The following NOX5 variants were observed in gnomAD, a reference collection of about 807,000 sequenced individuals.
NOX5 encodes NADPH oxidase, EF-hand calcium binding domain 5.
A neutral mutation model predicts 85.7 loss-of-function variants in NOX5; 76 were observed. The ratio of observed to expected loss-of-function variants is 0.89; its 90% confidence interval spans 0.74 to 1.07. NOX5 has a LOEUF of 1.07. NOX5 is among the 50% of genes least tolerant of loss of function. The pLI, the probability that NOX5 is intolerant of heterozygous loss-of-function variation, is 0.00. For synonymous variants in NOX5, 405 were observed against 401.4 expected, an observed-to-expected ratio of 1.01 and a Z score of -0.11; for missense variants, 973 against 999.5, an observed-to-expected ratio of 0.97 and a Z score of 0.36.
chr15:69,043,666 A>G (rs561506684), intron 10 of NOX5: 9 of 152,386 alleles, frequency 5.9e-5, no homozygotes, highest in African/African-American at 2.2e-4. Context: ...GCTGTTAATC[A>G]GGGAAACTTC....
intron 1 of NOX5, among the ~76,000 whole-genome samples, chr15:69,020,648 A>G (rs2050285312): frequency 6.6e-6 from 1 of 151,574 alleles, no homozygotes; most frequent in African/African-American, 2.4e-5. Flanking sequence ...ATAGATATCA[A>G]TTTTTATATG....
In NOX5 at chr15:69,020,919, A is replaced by C. The variant is rs183454310; in HGVS notation, c.51-5609A>C. ...AGGTGCTTCCTTAGCATTTATTGAC[A>C]TAATAAAAACTATTTTTCTTCTTTA... On this transcript the variant is annotated intron_variant, in intron 1 of 15. Coordinates refer to ENST00000388866, the MANE Select transcript of NOX5 (RefSeq NM_024505.4). 5.5e-3 allele frequency among the ~76,000 whole-genome samples: 845 copies of C among 152,254 alleles called. 2 individuals carry two copies. The highest frequency in any genetic ancestry group is 7.6e-3 in the Non-Finnish European group (520 of 67,982).
At chr15:69,027,351 C>A (rs1289815871) in intron 2 of NOX5, among the ~76,000 whole-genome samples, 2 of 152,168 alleles carry the variant, frequency 1.3e-5, no homozygotes, top group African/African-American at 4.8e-5. Context: ...TGTAAAACAT[C>A]TTAAGACAAA....
chr15:69,056,685 G>A lies in NOX5; in HGVS notation c.2287G>A (p.Glu763Lys), dbSNP rs765970562. 5.6e-6 allele frequency: 9 copies of A among 1,613,750 alleles called. No homozygotes were observed. The highest frequency in any genetic ancestry group is 1.7e-5 in the Admixed American group (1 of 60,012). ...CEKFGFRFFQ[E>K]NF ...GAAGTTCGGCTTCAGATTTTTCCAA[G>A]AGAATTTCTAGCCTCACCTCTCCAA... Residue 763 changes from glutamate to lysine, a missense_variant, in exon 16 of 16, where the codon GAG becomes AAG. Transcript: ENST00000388866.
chr15:69,046,911 A>C (rs1208162516), intron 11 of NOX5, 45 bp downstream of exon 11: 1 of 1,597,484 alleles, frequency 6.3e-7, no homozygotes, highest in Non-Finnish European at 8.6e-7. Context: ...GCCTGCCCCA[A>C]CCAAAGGAAA....
chr15:69,033,532 C>T (rs1044517211), intron 5 of NOX5, among the ~76,000 whole-genome samples: 4 of 152,240 alleles, frequency 2.6e-5, no homozygotes, highest in East Asian at 1.9e-4. Flanking sequence ...GTGCTGAGCA[C>T]GCTCCATTTG....
At chr15:69,046,772 C>A in intron 10 of NOX5, 50 bp from the exon 11 acceptor site, 1 of 1,574,226 alleles carries the variant, frequency 6.4e-7, no homozygotes, top group South Asian at 1.1e-5. Context: ...TAAGAAATCC[C>A]TAACACTGTC....
chr15:69,040,095 C>T (rs538785928), intron 9 of NOX5, among the ~76,000 whole-genome samples: 1 of 152,316 alleles, frequency 6.6e-6, no homozygotes, highest in Admixed American at 6.5e-5. Context: ...CAGCAGGACC[C>T]CTGGCCCAGA....
Position 69,037,196 on chromosome 15 carries a change from C to T in NOX5, c.1357C>T (p.Leu453Phe). 1 of 1,613,478 alleles carries T rather than the reference C, an allele frequency of 6.2e-7. No individual in the cohort carries two copies. The highest frequency in any genetic ancestry group is 8.5e-7 in the Non-Finnish European group (1 of 1,179,938). Reference sequence around the variant, plus strand: ...AGCCGTGTGCATCATGGAAGTCAACCTCCTCCCCTCCAAGGTACAAAGGTG... The same window carrying T: ...AGCCGTGTGCATCATGGAAGTCAACTTCCTCCCCTCCAAGGTACAAAGGTG... ...MAAVCIMEVNLLPSKVTHLLI... is the reference protein window; with the variant it reads ...MAAVCIMEVNFLPSKVTHLLI... The change falls in exon 8 of 16, where the codon CTC (leucine) becomes TTC (phenylalanine). Residue 453 changes from leucine to phenylalanine, a missense_variant. Leu to Phe is a conservative substitution (Grantham distance 22). Transcript: ENST00000388866.
Position 69,042,698 on chromosome 15 carries a change from T to C in NOX5, c.1540T>C (p.Trp514Arg), listed in dbSNP as rs1382965422. ...IWLHIRSQGQWTNRLYESFKA... is the reference protein window; with the variant it reads ...IWLHIRSQGQRTNRLYESFKA... ...GCTGCACATTCGGTCCCAAGGCCAGTGGACAAACAGGCTGTATGAGTCCTT... is the reference window on the plus strand; with the variant it reads ...GCTGCACATTCGGTCCCAAGGCCAGCGGACAAACAGGCTGTATGAGTCCTT... Residue 514 changes from tryptophan (W) to arginine (R), a missense_variant, in exon 10 of 16, where the codon TGG becomes CGG. Physicochemically the swap from Trp to Arg is moderately radical, Grantham distance 101. Coordinates refer to ENST00000388866, the MANE Select transcript of NOX5 (RefSeq NM_024505.4). The C allele has an allele frequency of 6.2e-7, 1 of 1,614,104 alleles. No individual in the cohort carries two copies. Among genetic ancestry groups the C allele is most frequent in the Non-Finnish European group, 8.5e-7 (1 of 1,180,040 alleles).
chr15:69,062,115 A>G lies in NOX5; in HGVS notation c.*5419A>G, dbSNP rs1029337755. On this transcript the variant is annotated 3_prime_UTR_variant, in exon 16 of 16. Transcript: ENST00000388866. ...CCCATGAGGTACCCTTGGCTCCTCTATCTCCCCCATCTTCCTCCTTCAGCC... is the reference window on the plus strand; with the variant it reads ...CCCATGAGGTACCCTTGGCTCCTCTGTCTCCCCCATCTTCCTCCTTCAGCC... 7.2e-5 allele frequency: 11 copies of G among 151,948 alleles called. No individual in the cohort carries two copies. The highest frequency in any genetic ancestry group is 2.7e-4 in the African/African-American group (11 of 41,350). The allele number at this position is 151,948 out of a possible 1,614,324, so 9.4% of individuals were successfully genotyped here.
chr15:69,036,985 G>A (rs780677797), intron 7 of NOX5, 43 bp from the exon 8 acceptor site: 2 of 1,536,054 alleles, frequency 1.3e-6, no homozygotes, highest in Non-Finnish European at 1.8e-6. Flanking sequence ...CCACCCCCCA[G>A]GCCTTGAGCT....
intron 1 of NOX5, among the ~76,000 whole-genome samples, chr15:69,026,150 T>C (rs2050354807): frequency 6.6e-6 from 1 of 152,170 alleles, no homozygotes; most frequent in African/African-American, 2.4e-5. Context: ...TGGGAAATAT[T>C]TGGAAAGCAG....
chr15:69,046,938 A>C (rs1212490183), intron 11 of NOX5, 72 bp downstream of exon 11: 1 of 1,520,768 alleles, frequency 6.6e-7, no homozygotes, highest in Non-Finnish European at 9.1e-7. Context: ...CTTTGCCTTT[A>C]AGGAGGGGCT....
At chr15:69,055,533 T>A (rs779214129) in intron 15 of NOX5, 33 bp downstream of exon 15, 12 of 1,606,846 alleles carry the variant, frequency 7.5e-6, no homozygotes, top group Non-Finnish European at 9.4e-6. Context: ...AGCTTGCAGG[T>A]ATGGATGAAG....
chr15:69,021,444 A>C, intron 1 of NOX5, among the ~76,000 whole-genome samples: 1 of 148,070 alleles, frequency 6.8e-6, no homozygotes, highest in African/African-American at 2.5e-5. Flanking sequence ...CAGCCTCCCC[A>C]GTAGCTGGGA....
chr15:69,031,579 G>T lies in NOX5; in HGVS notation c.387G>T (p.Trp129Cys). The change falls in exon 4 of 16, where the codon TGG becomes TGT. Residue 129 changes from tryptophan to cysteine, a missense_variant. By Grantham distance (215) the Trp-to-Cys change is radical. Transcript: ENST00000388866. ...TEWGAGAGPH[W>C]ASSPLGTGSG... is the part of the protein sequence containing the mutation. ...GGGGTGCTGGGGCAGGCCCGCACTG[G>T]GCTTCATCCCCACTCGGGACAGGCA... The T allele has an allele frequency of 6.2e-7, 1 of 1,612,894 alleles. No homozygotes were observed.
intron 1 of NOX5, 34 bp downstream of exon 1, chr15:69,014,819 G>A (rs1251441039): frequency 7.0e-7 from 1 of 1,435,896 alleles, no homozygotes; most frequent in Non-Finnish European, 9.6e-7. Context: ...TTCCATGCCA[G>A]GGACAAGGGA....
chr15:69,048,861 T>G (rs893442816), intron 13 of NOX5, 98 bp from the exon 14 acceptor site: 22 of 755,820 alleles, frequency 2.9e-5, no homozygotes, highest in Non-Finnish European at 4.6e-5. Flanking sequence ...GTTCCCTGCT[T>G]ACTTCAGGGT....
Sources: allele counts gnomAD v4.1 joint callset (sites outside exome capture counted in the v4.1 genomes callset), GRCh38; gene constraint gnomAD v4.1.1; transcripts MANE v1.5; gene names NCBI Gene and HGNC (gene_info 2026-07-23, HGNC 2026-07-21).